The following TENM3 variants were observed in gnomAD, a reference collection of about 807,000 sequenced individuals.
TENM3 encodes the protein teneurin-3.
TENM3 carries 63 observed loss-of-function variants against 255.1 expected under a neutral mutation model. That is an observed-to-expected ratio of 0.25 (90% confidence interval 0.20 to 0.30). The LOEUF (loss-of-function observed/expected upper bound fraction) is 0.30, where lower values mean the gene tolerates loss of function less well. TENM3 is among the 10% of genes least tolerant of loss of function. The probability of loss-of-function intolerance (pLI) is 1.00; values close to 1 mark genes in which losing one functional copy is unlikely to be tolerated. For synonymous variants in TENM3, 1,306 were observed against 1,322.3 expected (o/e 0.99, Z 0.27); for missense variants, 2,929 against 3,461.1 (o/e 0.85, Z 3.86).
At chr4:182,773,396 G>A (rs1018820559) in intron 22 of TENM3, 76 bp from the exon 23 acceptor site, 2 of 1,343,300 alleles carry the variant, frequency 1.5e-6, no homozygotes, top group African/African-American at 2.9e-5. Flanking sequence ...AACTAATATT[G>A]CTACACATTA....
At chr4:182,370,155 T>A (rs182650614) in intron 3 of TENM3, among the ~76,000 whole-genome samples, 16 of 152,336 alleles carry the variant, frequency 1.1e-4, no homozygotes, top group Non-Finnish European at 1.8e-4. Flanking sequence ...AAAGTCATGT[T>A]GGGTCAGGAT....
At chr4:182,182,669 G>T (rs1426071859) in intron 1 of TENM3, among the ~76,000 whole-genome samples, 1 of 152,156 alleles carries the variant, frequency 6.6e-6, no homozygotes, top group Non-Finnish European at 1.5e-5. Context: ...TGAGTTATCA[G>T]CTTAGTTCCA....
chr4:182,754,030 A>G lies in TENM3; in HGVS notation c.4018-355A>G, dbSNP rs1023786900. On this transcript the variant is annotated intron_variant, in intron 21 of 27. Transcript: ENST00000511685. This position sits in a 1 kb window ranked among gnomAD's most constrained non-coding sequence, Gnocchi z 5.1. ...GGCCTGATTGAAAACACAATAGAAT[A>G]CTAATCTATTCATAACCTAGAAAGC... 4.6e-5 allele frequency among the ~76,000 whole-genome samples: 7 copies of G among 152,312 alleles called. No homozygotes were observed. The highest frequency in any genetic ancestry group is 1.7e-4 in the African/African-American group (7 of 41,570).
At chr4:182,444,056 GA>G (rs2151274477) in intron 3 of TENM3, among the ~76,000 whole-genome samples, 1 of 152,262 alleles carries the variant, frequency 6.6e-6, no homozygotes, top group East Asian at 1.9e-4. Context: ...GTAAATCAAA[GA>G]AAGAATCACC....
At chr4:182,023,252 C>T in the TENM3 span, among the ~76,000 whole-genome samples, 2 of 152,194 alleles carry the variant, frequency 1.3e-5, no homozygotes, top group Admixed American at 6.5e-5. Flanking sequence ...CTCCACACAT[C>T]ACGAAGGCAT....
the TENM3 span, among the ~76,000 whole-genome samples, chr4:182,084,203 A>C: frequency 6.6e-6 from 1 of 152,170 alleles, no homozygotes; most frequent in Non-Finnish European, 1.5e-5. Flanking sequence ...GGGGGGAAAA[A>C]ATAAGCTGCC....
At chr4:181,952,119 A>G in the TENM3 span, among the ~76,000 whole-genome samples, 1 of 152,240 alleles carries the variant, frequency 6.6e-6, no homozygotes, top group African/African-American at 2.4e-5. Context: ...TTAAACTCAT[A>G]AAAGTAATTA....
chr4:182,147,123 C>T (rs1270224074), intron 1 of TENM3, among the ~76,000 whole-genome samples: 1 of 152,194 alleles, frequency 6.6e-6, no homozygotes, highest in Non-Finnish European at 1.5e-5. Flanking sequence ...GTTCAAGCTA[C>T]TCTTTCTTAG....
chr4:182,796,722 A>C lies in TENM3; in HGVS notation c.7299A>C (p.Glu2433Asp). The part of the protein sequence containing the change: ...GFPVPKFDLT[E>D]PSYELVKSQQ... ...CTGTTCCCAAATTTGATTTAACAGA[A>C]CCTTCTTACGAACTTGTGAAGAGTC... is the stretch of plus-strand genomic sequence containing the variant. Residue 2433 changes from glutamate to aspartate, a missense_variant, in exon 27 of 28, where the codon GAA becomes GAC. Glu to Asp is a conservative substitution (Grantham distance 45). Coordinates refer to ENST00000511685, the MANE Select transcript of TENM3 (RefSeq NM_001080477.4). 1 of 1,612,226 alleles carries C rather than the reference A, an allele frequency of 6.2e-7. No individual in the cohort carries two copies. The highest frequency in any genetic ancestry group is 1.3e-5 in the African/African-American group (1 of 75,026).
chr4:182,505,233 G>A (rs536280496), intron 3 of TENM3, among the ~76,000 whole-genome samples: 3 of 151,964 alleles, frequency 2.0e-5, no homozygotes, highest in African/African-American at 4.8e-5. Flanking sequence ...ATATACCCTA[G>A]CATTTTTTTA....
chr4:181,458,062 G>T, the TENM3 span, among the ~76,000 whole-genome samples: 1 of 151,926 alleles, frequency 6.6e-6, no homozygotes, highest in Non-Finnish European at 1.5e-5. Context: ...ACTGTAAGAT[G>T]TCCTAAAGTA....
At chr4:182,238,678 T>C (rs763813653), upstream of TENM3, among the ~76,000 whole-genome samples, 37 of 152,336 alleles carry the variant, frequency 2.4e-4, no homozygotes, top group Admixed American at 5.2e-4. Flanking sequence ...TCCCTGACTG[T>C]CGGTGCTCAG....
intron 4 of TENM3, among the ~76,000 whole-genome samples, chr4:182,628,193 C>T (rs144815590): frequency 2.0e-5 from 3 of 152,044 alleles, no homozygotes; most frequent in Admixed American, 6.6e-5. Context: ...AGAAGATCCG[C>T]GTGATCATGC....
At chr4:181,887,793 C>A in the TENM3 span, among the ~76,000 whole-genome samples, 2 of 152,150 alleles carry the variant, frequency 1.3e-5, no homozygotes, top group African/African-American at 4.8e-5. Context: ...CCTAGAATAG[C>A]CTTTACAATA....
the TENM3 span, among the ~76,000 whole-genome samples, chr4:181,829,660 T>G: frequency 6.6e-6 from 1 of 152,188 alleles, no homozygotes. Context: ...GGGAGGAAAG[T>G]GTAGCAGATG....
At chr4:181,945,367 T>G in the TENM3 span, among the ~76,000 whole-genome samples, 3 of 152,172 alleles carry the variant, frequency 2.0e-5, no homozygotes, top group Admixed American at 6.5e-5. Flanking sequence ...GAGCGACTGC[T>G]GCTTTCATCC....
chr4:182,059,679 C>T, the TENM3 span, among the ~76,000 whole-genome samples: 22 of 126,078 alleles, frequency 1.7e-4, no homozygotes, highest in South Asian at 4.2e-3. Context: ...GAGGCCAAGG[C>T]GGGAGGATTG....
intron 12 of TENM3, among the ~76,000 whole-genome samples, chr4:182,711,754 A>G (rs1397093988): frequency 6.6e-6 from 1 of 152,176 alleles, no homozygotes; most frequent in Non-Finnish European, 1.5e-5. Context: ...TAAAGTATTG[A>G]GACTTAAGTG....
the TENM3 span, among the ~76,000 whole-genome samples, chr4:181,497,771 C>G: frequency 2.0e-5 from 3 of 152,152 alleles, no homozygotes; most frequent in Non-Finnish European, 4.4e-5. Flanking sequence ...CAAACTACTT[C>G]CCCACTTCTT....
Sources: gnomAD v4.1 joint callset for allele counts (sites outside exome capture counted in the v4.1 genomes callset) on GRCh38, gnomAD v4.1.1 for gene constraint, Gnocchi (gnomAD v3.1) non-coding constraint, MANE v1.5 for transcripts, NCBI Gene and HGNC (gene_info 2026-07-23, HGNC 2026-07-21) for gene names.